WDR12: variants seen among roughly 807,000 people sequenced by gnomAD.
WDR12 encodes WD repeat domain 12.
A neutral mutation model predicts 64.3 loss-of-function variants in WDR12; 42 were observed. The observed-to-expected ratio is 0.65, with a 90% CI of 0.51 to 0.84. The LOEUF (loss-of-function observed/expected upper bound fraction) is 0.84. Ranked by LOEUF, WDR12 falls within the 40% of genes least tolerant of loss-of-function variation. The pLI, the probability that WDR12 is intolerant of heterozygous loss-of-function variation, is 0.00. For synonymous variants in WDR12, 158 were observed against 173.3 expected (o/e 0.91, Z 0.70); for missense variants, 469 against 494.6 (o/e 0.95, Z 0.49).
chr2:202,890,389 A>C (rs1688133691), intron 8 of WDR12, among the ~76,000 whole-genome samples: 1 of 152,244 alleles, frequency 6.6e-6, no homozygotes, highest in South Asian at 2.1e-4. Flanking sequence ...ACTGGTTGAG[A>C]GGCAGGCTAG....
intron 4 of WDR12, among the ~76,000 whole-genome samples, chr2:202,898,980 T>C (rs1371707004): frequency 7.0e-6 from 1 of 143,166 alleles, no homozygotes; most frequent in East Asian, 2.1e-4. Flanking sequence ...TAATTGTTAC[T>C]ACCACATATT....
At position 202,907,941 on chromosome 2, in the gene WDR12, A is replaced by C; in HGVS notation, c.60T>G (p.Val20=). 21 of 1,614,062 alleles carry C rather than the reference A, an allele frequency of 1.3e-5. No homozygotes were observed. The highest frequency in any genetic ancestry group is 1.7e-4 in the Middle Eastern group (1 of 6,054). ...TDNKKYAVDD[V]PFSIPAASEI... ...CAGAGGCAGCAGGGATTGAGAAGGG[A>C]ACATCATCTACGGCATATCTATAAA... The change falls in exon 2 of 13, where the codon GTT becomes GTG. Residue 20 remains valine (V), a synonymous_variant. Coordinates refer to ENST00000261015, the MANE Select transcript of WDR12 (RefSeq NM_018256.4).
At chr2:202,897,571 T>C (rs531438843) in intron 4 of WDR12, among the ~76,000 whole-genome samples, 156 bp from the exon 5 acceptor site, 3 of 145,866 alleles carry the variant, frequency 2.1e-5, no homozygotes, top group Non-Finnish European at 1.5e-5. Flanking sequence ...TCAGATCACT[T>C]GACGTTTCTC....
At chr2:202,884,023 G>C in intron 10 of WDR12, 175 bp downstream of exon 10, 2 of 679,510 alleles carry the variant, frequency 2.9e-6, no homozygotes, top group South Asian at 2.0e-5. Flanking sequence ...ATGTTGGCCA[G>C]GCTGATCTCC....
At chr2:202,886,814 T>C (rs1326497167) in intron 8 of WDR12, among the ~76,000 whole-genome samples, 1 of 148,244 alleles carries the variant, frequency 6.7e-6, no homozygotes, top group African/African-American at 2.5e-5. Flanking sequence ...GAATAGGGGA[T>C]AGTCAATCTA....
rs549509951 is a variant in WDR12 at position 202,898,495 on chromosome 2, CTAAAAG to C, written c.338+1030_338+1035del. Among the ~76,000 whole-genome samples, 53 of 152,268 alleles carry C rather than the reference CTAAAAG, an allele frequency of 3.5e-4. 1 individual carries two copies. The South Asian group carries it at 0.011, about 32-fold the overall frequency. On this transcript the variant is annotated intron_variant, in intron 4 of 12. Coordinates refer to ENST00000261015, the MANE Select transcript of WDR12 (RefSeq NM_018256.4). ...ACTTAACCAGTGAAAACCATTTAAA[CTAAAAG>C]TAAAACTAGGAGAAATATAACTTTA...
chr2:202,910,561 A>G (rs552323810), intron 1 of WDR12, among the ~76,000 whole-genome samples: 23 of 152,282 alleles, frequency 1.5e-4, no homozygotes, highest in African/African-American at 5.5e-4. Flanking sequence ...AAAGCCCCAC[A>G]TATTTCAAAA....
chr2:202,911,397 A>G (rs1559167027), intron 1 of WDR12, 39 bp downstream of exon 1: 5 of 1,607,774 alleles, frequency 3.1e-6, no homozygotes, highest in African/African-American at 1.3e-5. Flanking sequence ...GTCGGAAAGG[A>G]ACCTGGGGAA....
chr2:202,892,765 G>GA, intron 7 of WDR12, 63 bp from the exon 8 acceptor site: 1 of 1,196,856 alleles, frequency 8.4e-7, no homozygotes. Context: ...CTGTCTGAAA[G>GA]AATTCTTTAC....
At position 202,901,063 on chromosome 2, in the gene WDR12, G is replaced by T. The variant is rs773896163; in HGVS notation, c.193C>A (p.Pro65Thr). Residue 65 changes from proline to threonine, a missense_variant, in exon 3 of 13, where the codon CCC becomes ACC. Physicochemically the swap from Pro to Thr is conservative, Grantham distance 38. Coordinates refer to ENST00000261015, the MANE Select transcript of WDR12 (RefSeq NM_018256.4). ...TCCATTTCCATGTGTTTGTCCAAGGGCATTCGCAGAAACTGGCCCTTAATA... is the reference window on the plus strand; with the variant it reads ...TCCATTTCCATGTGTTTGTCCAAGGTCATTCGCAGAAACTGGCCCTTAATA... ...FLIKGQFLRM[P>T]LDKHMEMENI... 1 of 1,598,564 alleles carries T rather than the reference G, an allele frequency of 6.3e-7. No individual in the cohort carries two copies. The highest frequency in any genetic ancestry group is 1.1e-5 in the South Asian group (1 of 88,478).
chr2:202,887,780 C>T (rs1480644710), intron 8 of WDR12, among the ~76,000 whole-genome samples: 5 of 148,706 alleles, frequency 3.4e-5, no homozygotes, highest in African/African-American at 9.9e-5. Context: ...CCCAGCTACT[C>T]GGGAGGCTGA....
rs762675611 is a variant in WDR12, at chr2:202,882,135, G to A, written c.1194+576C>T. On this transcript the variant is annotated intron_variant, in intron 12 of 12. Transcript: ENST00000261015. ...TGTAGAGACATCATCTCACTATGTT[G>A]CCTAGGCTGGTTTTGAACTCCTGGG... Among the ~76,000 whole-genome samples, 5 of 152,036 alleles carry A rather than the reference G, an allele frequency of 3.3e-5. No homozygotes were observed. The East Asian group carries it at 5.8e-4, about 18-fold the overall frequency.
rs1412472258 is a variant in WDR12 at position 202,877,771 on chromosome 2, T to C, written c.*3089A>G. ...ATAACTAGTACCGGTCAGCAGGTTCTGAGCACTGCATTGTCAGGTTCCTAG... is the reference window on the plus strand; with the variant it reads ...ATAACTAGTACCGGTCAGCAGGTTCCGAGCACTGCATTGTCAGGTTCCTAG... On this transcript the variant is annotated 3_prime_UTR_variant, in exon 13 of 13. Transcript: ENST00000261015. The C allele has an allele frequency of 1.3e-5, 2 of 152,252 alleles. No homozygotes were observed. The highest frequency in any genetic ancestry group is 3.8e-4 in the East Asian group (2 of 5,202). The allele number at this position is 152,252 out of a possible 1,614,324, so 9.4% of individuals were successfully genotyped here.
At chr2:202,908,483 G>A (rs1488266770) in intron 1 of WDR12, among the ~76,000 whole-genome samples, 1 of 152,088 alleles carries the variant, frequency 6.6e-6, no homozygotes, top group East Asian at 1.9e-4. Context: ...GTTTTTGCCA[G>A]GTGAGGGAAG....
rs745348337 is a variant in WDR12 at position 202,894,586 on chromosome 2, G to A, written c.650C>T (p.Ser217Phe). Residue 217 changes from serine to phenylalanine, a missense_variant, in exon 7 of 13, where the codon TCT (serine) becomes TTT (phenylalanine). By Grantham distance (155) the Ser-to-Phe change is radical. Coordinates refer to ENST00000261015, the MANE Select transcript of WDR12 (RefSeq NM_018256.4). ...GSWDKMLKIW[S>F]TVPTDEEDEM... is the part of the protein sequence containing the mutation. Reference sequence around the variant, plus strand: ...AAAATAAATATTTAATTTACCTGTAGACCAGATCTTTAGCATCTTATCCCA... The same window carrying A: ...AAAATAAATATTTAATTTACCTGTAAACCAGATCTTTAGCATCTTATCCCA... 6.2e-7 allele frequency: 1 copy of A among 1,604,574 alleles called. No individual in the cohort carries two copies. Among genetic ancestry groups the A allele is most frequent in the Non-Finnish European group, 8.5e-7 (1 of 1,176,224 alleles).
chr2:202,906,483 A>AT (rs1688458742), intron 2 of WDR12, among the ~76,000 whole-genome samples: 2 of 152,234 alleles, frequency 1.3e-5, no homozygotes, highest in Admixed American at 6.5e-5. Flanking sequence ...AATACTACAC[A>AT]TTAGTTTATA....
At chr2:202,889,899 G>C (rs189744208) in intron 8 of WDR12, among the ~76,000 whole-genome samples, 4 of 151,442 alleles carry the variant, frequency 2.6e-5, no homozygotes, top group Admixed American at 6.6e-5. Context: ...CTCTCAAAAG[G>C]GGGGAAAGAA....
At chr2:202,882,618 G>A in intron 12 of WDR12, 93 bp downstream of exon 12, 2 of 1,339,420 alleles carry the variant, frequency 1.5e-6, no homozygotes, top group Non-Finnish European at 2.1e-6. Context: ...GTGAGCCACT[G>A]CACCCGGCCC....
chr2:202,890,324 T>C (rs1268608931), intron 8 of WDR12, among the ~76,000 whole-genome samples: 2 of 152,180 alleles, frequency 1.3e-5, no homozygotes, highest in Non-Finnish European at 2.9e-5. Context: ...ATTTTAAAAA[T>C]AGGTAAAACT....
Sources: allele counts gnomAD v4.1 joint callset (sites outside exome capture counted in the v4.1 genomes callset), GRCh38; gene constraint gnomAD v4.1.1; transcripts MANE v1.5; gene names NCBI Gene and HGNC (gene_info 2026-07-23, HGNC 2026-07-21).